POR: variants seen among roughly 807,000 people sequenced by gnomAD.
POR encodes the protein NADPH--cytochrome P450 reductase.
A neutral mutation model predicts 84.0 loss-of-function variants in POR; 56 were observed. That is an observed-to-expected ratio of 0.67 (90% CI 0.54 to 0.83). The LOEUF is 0.83. POR is among the 40% of genes least tolerant of loss of function. POR has a pLI of 0.00. For missense variants in POR, 938 were observed against 944.3 expected (o/e 0.99, Z 0.09); for synonymous variants, 414 against 400.5 (o/e 1.03, Z -0.40).
chr7:75,975,950 C>A (rs1437638928), intron 3 of POR, among the ~76,000 whole-genome samples: 7 of 151,290 alleles, frequency 4.6e-5, no homozygotes, highest in Non-Finnish European at 1.0e-4. Context: ...CTGCACCCAG[C>A]TGGTTCAGAT....
intron 2 of POR, among the ~76,000 whole-genome samples, chr7:75,965,900 G>A (rs1283780458): frequency 6.6e-6 from 1 of 152,124 alleles, no homozygotes; most frequent in African/African-American, 2.4e-5. Context: ...GCTGTGAGAT[G>A]TGCTGCCTGA....
chr7:75,917,013 C>T lies in POR; in HGVS notation c.-5+1834C>T, dbSNP rs1806601909. ...TCAAAACTGCTTGGCAAATCCAGAA[C>T]ATTTACTCGTGAAGTCCATGGAACA... On this transcript the variant is annotated intron_variant, in intron 1 of 15. Transcript: ENST00000461988. Among the ~76,000 whole-genome samples, 3 of 152,034 alleles carry T rather than the reference C, an allele frequency of 2.0e-5. No homozygotes were observed. The South Asian group carries it at 6.2e-4, about 32-fold the overall frequency.
chr7:75,918,242 G>C (rs560154969), intron 1 of POR, among the ~76,000 whole-genome samples: 1 of 152,232 alleles, frequency 6.6e-6, no homozygotes, highest in East Asian at 1.9e-4. Flanking sequence ...GGAAGCGGAG[G>C]TTGCAGTGAG....
intron 1 of POR, among the ~76,000 whole-genome samples, chr7:75,927,860 G>A (rs778998749): frequency 9.2e-5 from 14 of 151,500 alleles, no homozygotes; most frequent in Admixed American, 3.3e-4. Flanking sequence ...TAGTAGAGAC[G>A]GGGTTTCACC....
Position 75,986,154 on chromosome 7 carries a change from C to T in POR, c.1816-5C>T. 2 of 1,608,424 alleles carry T rather than the reference C, an allele frequency of 1.2e-6. No homozygotes were observed. The highest frequency in any genetic ancestry group is 1.7e-6 in the Non-Finnish European group (2 of 1,177,806). On this transcript the variant is annotated splice_polypyrimidine_tract_variant and splice_region_variant and intron_variant, in intron 14 of 15. Transcript: ENST00000461988. ...CCCCCCTCACAGCACCACCCTTGGCCCCAGGTCTACGTCCAGCACCTGCTA... is the reference window on the plus strand; with the variant it reads ...CCCCCCTCACAGCACCACCCTTGGCTCCAGGTCTACGTCCAGCACCTGCTA...
At chr7:75,981,315 GCCCTGC>G (rs1789028440) in intron 6 of POR, 143 bp downstream of exon 6, 2 of 1,345,770 alleles carry the variant, frequency 1.5e-6, no homozygotes, top group Non-Finnish European at 2.0e-6. Flanking sequence ...TCCTGCCTCT[GCCCTGC>G]CCCTGCCAGT....
intron 1 of POR, among the ~76,000 whole-genome samples, chr7:75,935,586 C>G (rs1172440542): frequency 6.7e-6 from 1 of 148,546 alleles, no homozygotes; most frequent in African/African-American, 2.5e-5. Flanking sequence ...GGTACTTCTC[C>G]CTTCCTGCCT....
chr7:75,934,494 A>C (rs1807575008), intron 1 of POR, among the ~76,000 whole-genome samples: 2 of 152,342 alleles, frequency 1.3e-5, no homozygotes, highest in East Asian at 1.9e-4. Context: ...TTTCAAGAGA[A>C]TTCAAGCAGG....
chr7:75,984,858 C>T lies in POR; in HGVS notation c.1148C>T (p.Pro383Leu), dbSNP rs781961684. 1.1e-5 allele frequency: 17 copies of T among 1,612,524 alleles called. No homozygotes were observed. Among genetic ancestry groups the T allele is most frequent in the Middle Eastern group, 1.6e-4 (1 of 6,082 alleles). ...ACCTACTACCTGGACATCACCAACC[C>T]GCCGCGTACCAACGTGCTGTACGAG... is the stretch of plus-strand genomic sequence containing the variant. Residue 383 changes from proline (P) to leucine (L), a missense_variant, in exon 11 of 16, where the codon CCG (proline) becomes CTG (leucine). Transcript: ENST00000461988.
intron 2 of POR, chr7:75,968,180 C>G: frequency 4.3e-6 from 2 of 461,942 alleles, no homozygotes; most frequent in Non-Finnish European, 8.8e-6. Flanking sequence ...GCCCCTTGGC[C>G]AGGGGACGCC....
intron 8 of POR, 122 bp downstream of exon 8, chr7:75,982,444 G>T: frequency 1.3e-6 from 1 of 775,788 alleles, no homozygotes; most frequent in Admixed American, 2.2e-5. Flanking sequence ...CGTGCCCCGA[G>T]TGGGTGTGAG....
At chr7:75,946,828 GC>G (rs1182108583) in intron 1 of POR, 1 of 152,260 alleles carries the variant, frequency 6.6e-6, no homozygotes, top group African/African-American at 2.4e-5. Context: ...GCTCACACAG[GC>G]TTCCAGAACC....
intron 2 of POR, among the ~76,000 whole-genome samples, chr7:75,959,398 G>A (rs530873835): frequency 6.6e-6 from 1 of 152,282 alleles, no homozygotes; most frequent in African/African-American, 2.4e-5. Flanking sequence ...GAAGGTATGT[G>A]GCCCAGGGCT....
chr7:75,984,853 C>T lies in POR; in HGVS notation c.1143C>T (p.Thr381=), dbSNP rs1422624347. Residue 381 remains threonine (T), a synonymous_variant, in exon 11 of 16, where the codon ACC becomes ACT. Transcript: ENST00000461988. ...CCCTCACCTACTACCTGGACATCAC[C>T]AACCCGCCGCGTACCAACGTGCTGT... is the stretch of plus-strand genomic sequence containing the variant. The T allele has an allele frequency of 6.2e-7, 1 of 1,612,506 alleles. No individual in the cohort carries two copies. The highest frequency in any genetic ancestry group is 8.5e-7 in the Non-Finnish European group (1 of 1,179,814).
chr7:75,923,773 A>G (rs1806983630), intron 1 of POR, among the ~76,000 whole-genome samples: 1 of 152,052 alleles, frequency 6.6e-6, no homozygotes, highest in South Asian at 2.1e-4. Context: ...CTGTAATCCC[A>G]GCTACTGGGG....
chr7:75,923,031 C>T (rs536159887), intron 1 of POR: 32 of 674,862 alleles, frequency 4.7e-5, no homozygotes, highest in East Asian at 4.0e-4. Context: ...TTGTACGCGT[C>T]GAAAGGATTG....
chr7:75,939,332 C>T (rs1554551220), intron 1 of POR, among the ~76,000 whole-genome samples: 1 of 152,200 alleles, frequency 6.6e-6, no homozygotes, highest in Non-Finnish European at 1.5e-5. Flanking sequence ...TGCTTTGGGC[C>T]TCACAGGCCA....
chr7:75,927,899 G>T (rs1236000056), intron 1 of POR, among the ~76,000 whole-genome samples: 1 of 150,532 alleles, frequency 6.6e-6, no homozygotes. Flanking sequence ...TCGAACTCCT[G>T]ACCTCAAGTG....
intron 1 of POR, among the ~76,000 whole-genome samples, chr7:75,917,083 T>G (rs530235658): frequency 6.6e-6 from 1 of 152,082 alleles, no homozygotes; most frequent in Non-Finnish European, 1.5e-5. Flanking sequence ...TTTTTTTTTT[T>G]TGTGAGACAG....
Sources: allele counts gnomAD v4.1 joint callset (sites outside exome capture counted in the v4.1 genomes callset), GRCh38; gene constraint gnomAD v4.1.1; transcripts MANE v1.5; gene names NCBI Gene and HGNC (gene_info 2026-07-23, HGNC 2026-07-21).